The following SERINC5 variants were observed in gnomAD, a reference collection of about 807,000 sequenced individuals.
The protein encoded by SERINC5 is chromosome 5 open reading frame 12.
In SERINC5, 41 loss-of-function variants were observed where a neutral mutation model predicts 63.1. That is an observed-to-expected ratio of 0.65 (90% CI 0.51 to 0.84). SERINC5 has a LOEUF of 0.84. SERINC5 is among the 40% of genes least tolerant of loss of function. SERINC5 has a pLI of 0.00. For missense variants in SERINC5, 523 were observed against 573.0 expected (o/e 0.91, Z 0.89); for synonymous variants, 222 against 215.2 (o/e 1.03, Z -0.28).
At chr5:80,206,554 C>T (rs1750172609) in intron 1 of SERINC5, among the ~76,000 whole-genome samples, 1 of 149,164 alleles carries the variant, frequency 6.7e-6, no homozygotes, top group Admixed American at 6.6e-5. Flanking sequence ...TAAAAGAAGA[C>T]ATTCTACTCG....
chr5:80,132,617 A>G (rs1480204733), intron 11 of SERINC5, among the ~76,000 whole-genome samples: 2 of 150,514 alleles, frequency 1.3e-5, no homozygotes, highest in Non-Finnish European at 3.0e-5. Context: ...TTTTATTTCC[A>G]CCATGCCTGG....
At chr5:80,133,782 G>T (rs76623796), downstream of SERINC5, among the ~76,000 whole-genome samples, 2,788 of 152,306 alleles carry the variant, frequency 0.018, 96 homozygotes, top group African/African-American at 0.063. Context: ...GTATTATTAC[G>T]CAAATCAGTC....
chr5:80,185,866 T>C (rs1748765820), intron 2 of SERINC5, among the ~76,000 whole-genome samples: 3 of 152,072 alleles, frequency 2.0e-5, no homozygotes, highest in Admixed American at 2.0e-4. Context: ...ACTTCTTTTG[T>C]GATTCTTCAG....
chr5:80,187,026 C>T (rs2014946), intron 2 of SERINC5, among the ~76,000 whole-genome samples: 2 of 151,952 alleles, frequency 1.3e-5, no homozygotes, highest in Admixed American at 6.6e-5. Context: ...ATTAGCCAGG[C>T]GTGGTGGCAC....
In SERINC5 at chr5:80,138,935, T is replaced by C; in HGVS notation, c.*4728A>G. On this transcript the variant is annotated 3_prime_UTR_variant, in exon 12 of 12. Transcript: ENST00000507668. The stretch of plus-strand genomic sequence containing the variant: ...TATTAAAGTACAGAGTTAACAAGTT[T>C]TGAGTTTTTTATATAGGAAAAGCCT... 1 of 974,180 alleles carries C rather than the reference T, an allele frequency of 1.0e-6. No individual in the cohort carries two copies. Among genetic ancestry groups the C allele is most frequent in the Non-Finnish European group, 1.2e-6 (1 of 819,702 alleles). 60.3% of individuals were successfully genotyped at this position (974,180 alleles called of 1,614,324 possible).
intron 2 of SERINC5, among the ~76,000 whole-genome samples, chr5:80,181,444 G>GTA (rs1748420514): frequency 1.3e-5 from 2 of 151,728 alleles, no homozygotes; most frequent in Admixed American, 6.6e-5. Context: ...GTGTGTGTGT[G>GTA]TACAGTTGGT....
At chr5:80,127,080 AT>A (rs1744772625) in intron 11 of SERINC5, among the ~76,000 whole-genome samples, 2 of 152,168 alleles carry the variant, frequency 1.3e-5, no homozygotes, top group Non-Finnish European at 2.9e-5. Context: ...AGTTGTAAGA[AT>A]TTTTTAAAAA....
chr5:80,255,819 G>A (rs1049153630), intron 1 of SERINC5, 77 bp downstream of exon 1: 54 of 1,473,916 alleles, frequency 3.7e-5, no homozygotes, highest in Non-Finnish European at 4.3e-5. Context: ...AGCGCACCCA[G>A]GCAGGTCCTC....
At chr5:80,133,366 G>A (rs1428754809) in intron 11 of SERINC5, among the ~76,000 whole-genome samples, 1 of 152,194 alleles carries the variant, frequency 6.6e-6, no homozygotes, top group Non-Finnish European at 1.5e-5. Flanking sequence ...CTAGAGAAAA[G>A]GGGGCCTGAG....
chr5:80,120,543 G>A (rs1207074795), intron 11 of SERINC5, among the ~76,000 whole-genome samples: 1 of 152,150 alleles, frequency 6.6e-6, no homozygotes, highest in Non-Finnish European at 1.5e-5. Flanking sequence ...CCATGGCCAG[G>A]CGTGGGGGCT....
At chr5:80,128,684 A>G (rs1388668927) in intron 11 of SERINC5, among the ~76,000 whole-genome samples, 4 of 152,226 alleles carry the variant, frequency 2.6e-5, no homozygotes, top group African/African-American at 9.6e-5. Context: ...AATGGGGATT[A>G]GAACAGTAAC....
At chr5:80,198,629 AG>A in intron 2 of SERINC5, 1 of 985,320 alleles carries the variant, frequency 1.0e-6, no homozygotes, top group Non-Finnish European at 1.2e-6. Context: ...GCCAACAAAG[AG>A]GGGGTAAGGA....
intron 1 of SERINC5, among the ~76,000 whole-genome samples, chr5:80,242,444 C>T (rs941383360): frequency 5.9e-5 from 9 of 152,120 alleles, no homozygotes; most frequent in Non-Finnish European, 1.0e-4. Flanking sequence ...ATGGCGAAAT[C>T]CCATTTTTAC....
chr5:80,229,390 T>A (rs10042497), intron 1 of SERINC5, among the ~76,000 whole-genome samples: 77,364 of 147,074 alleles, frequency 0.53, 21,623 homozygotes, highest in African/African-American at 0.73. Context: ...AATCCTCTTT[T>A]CAGAGACTGC....
At chr5:80,196,918 T>C (rs1329311856) in intron 2 of SERINC5, among the ~76,000 whole-genome samples, 1 of 152,022 alleles carries the variant, frequency 6.6e-6, no homozygotes, top group Admixed American at 6.6e-5. Flanking sequence ...CTAGCCTGGG[T>C]AACAGAGTGA....
chr5:80,207,695 A>G (rs976425410), intron 1 of SERINC5, among the ~76,000 whole-genome samples: 17 of 152,246 alleles, frequency 1.1e-4, no homozygotes, highest in African/African-American at 3.6e-4. Flanking sequence ...ATATGTGTCT[A>G]TATGTATGTG....
intron 2 of SERINC5, among the ~76,000 whole-genome samples, chr5:80,189,114 A>C (rs1323371051): frequency 1.3e-5 from 2 of 152,300 alleles, no homozygotes; most frequent in East Asian, 1.9e-4. Flanking sequence ...ACAGAAGCTA[A>C]AGTCAGCTTT....
At chr5:80,189,093 T>G (rs1488944157) in intron 2 of SERINC5, among the ~76,000 whole-genome samples, 1 of 152,042 alleles carries the variant, frequency 6.6e-6, no homozygotes, top group Non-Finnish European at 1.5e-5. Context: ...ACATGTAAAG[T>G]GTTGAGAAGG....
chr5:80,153,474 GTT>G (rs112327662), intron 8 of SERINC5, among the ~76,000 whole-genome samples: 9 of 148,620 alleles, frequency 6.1e-5, no homozygotes, highest in South Asian at 2.1e-4. Context: ...TCAAGAAAAG[GTT>G]TTTTTTTTAT....
Sources: allele counts gnomAD v4.1 joint callset (sites outside exome capture counted in the v4.1 genomes callset), GRCh38; gene constraint gnomAD v4.1.1; transcripts MANE v1.5; gene names NCBI Gene and HGNC (gene_info 2026-07-23, HGNC 2026-07-21).